The following ZBTB7C variants were observed in gnomAD, a reference collection of about 807,000 sequenced individuals.
ZBTB7C encodes zinc finger and BTB domain containing 7C, also known as zinc finger and BTB domain-containing protein 7C.
In ZBTB7C, 8 loss-of-function variants were observed where a neutral mutation model predicts 25.7. The ratio of observed to expected loss-of-function variants is 0.31; its 90% CI spans 0.18 to 0.56. The LOEUF (loss-of-function observed/expected upper bound fraction) is 0.56. Among genes scored for constraint, ZBTB7C ranks in the 20% least tolerant of loss-of-function variants. The pLI is 0.91. For synonymous variants in ZBTB7C, 394 were observed against 369.0 expected (o/e 1.07, Z -0.78); for missense variants, 824 against 855.2 (o/e 0.96, Z 0.46).
At chr18:48,295,321 C>T (rs1341870306) in intron 2 of ZBTB7C, among the ~76,000 whole-genome samples, 1 of 152,182 alleles carries the variant, frequency 6.6e-6, no homozygotes, top group Non-Finnish European at 1.5e-5. Context: ...ATCTCTAACA[C>T]CATTCCGTGG....
intron 1 of ZBTB7C, among the ~76,000 whole-genome samples, chr18:48,379,035 G>T (rs189958599): frequency 3.0e-4 from 45 of 152,240 alleles, no homozygotes; most frequent in Non-Finnish European, 3.7e-4. Context: ...CTTATGAGGG[G>T]TTTATTAGGA....
chr18:48,200,920 G>T (rs543842725), intron 2 of ZBTB7C, among the ~76,000 whole-genome samples: 1 of 152,328 alleles, frequency 6.6e-6, no homozygotes, highest in South Asian at 2.1e-4. Context: ...AAGCTGAGGT[G>T]TGTGGCTCAC....
intron 2 of ZBTB7C, among the ~76,000 whole-genome samples, chr18:48,253,205 AAAAAAGAG>A (rs546395713): frequency 3.3e-4 from 49 of 150,080 alleles, no homozygotes; most frequent in African/African-American, 1.1e-3. Flanking sequence ...TAGGGGTTGA[AAAAAAGAG>A]AAAAAGAGAA....
chr18:48,347,061 G>A (rs1045096756), intron 1 of ZBTB7C, among the ~76,000 whole-genome samples: 1 of 151,078 alleles, frequency 6.6e-6, no homozygotes, highest in African/African-American at 2.4e-5. Flanking sequence ...GGGATTACAG[G>A]CATGAGCCAC....
At chr18:48,056,680 T>C (rs2036925714) in intron 3 of ZBTB7C, among the ~76,000 whole-genome samples, 1 of 152,234 alleles carries the variant, frequency 6.6e-6, no homozygotes, top group East Asian at 1.9e-4. Context: ...TAGGCAACCA[T>C]GTAGGAGACA....
chr18:48,355,584 C>T (rs986681228), intron 1 of ZBTB7C, among the ~76,000 whole-genome samples: 10 of 152,210 alleles, frequency 6.6e-5, no homozygotes, highest in African/African-American at 2.2e-4. Flanking sequence ...AGCCTGCACA[C>T]TAGCCCAGGC....
At chr18:48,342,906 T>C (rs537793410) in intron 1 of ZBTB7C, among the ~76,000 whole-genome samples, 2 of 152,162 alleles carry the variant, frequency 1.3e-5, no homozygotes, top group South Asian at 4.2e-4. Context: ...AGTTCATTGT[T>C]TTTTACTGGA....
At chr18:48,277,865 C>G (rs548190836) in intron 2 of ZBTB7C, among the ~76,000 whole-genome samples, 1 of 151,802 alleles carries the variant, frequency 6.6e-6, no homozygotes, top group South Asian at 2.1e-4. Flanking sequence ...GACCCCCTTC[C>G]TTTGCGCCAG....
chr18:48,202,607 C>CT, intron 2 of ZBTB7C, among the ~76,000 whole-genome samples: 1 of 152,050 alleles, frequency 6.6e-6, no homozygotes, highest in South Asian at 2.1e-4. Context: ...CCTTAGTACC[C>CT]CACTGTGCTC....
chr18:48,314,262 G>A (rs1040222449), intron 2 of ZBTB7C, among the ~76,000 whole-genome samples: 7 of 152,278 alleles, frequency 4.6e-5, no homozygotes, highest in African/African-American at 1.7e-4. Flanking sequence ...CAATATGCGG[G>A]ATTACTGATA....
chr18:48,310,430 T>TTA (rs570694077), intron 2 of ZBTB7C, among the ~76,000 whole-genome samples: 1 of 144,916 alleles, frequency 6.9e-6, no homozygotes, highest in African/African-American at 2.5e-5. Flanking sequence ...GATTCAGGTT[T>TTA]AAAAAAAAAA....
intron 2 of ZBTB7C, among the ~76,000 whole-genome samples, chr18:48,337,834 C>T (rs772324931): frequency 1.3e-5 from 2 of 152,188 alleles, no homozygotes. Flanking sequence ...CATGAACTCC[C>T]TGTTTCCCAC....
chr18:48,112,736 C>A (rs1381890362), intron 3 of ZBTB7C, among the ~76,000 whole-genome samples: 1 of 152,108 alleles, frequency 6.6e-6, no homozygotes, highest in African/African-American at 2.4e-5. Context: ...AGTATATGTG[C>A]GGTAAATCCA....
intron 2 of ZBTB7C, among the ~76,000 whole-genome samples, chr18:48,312,626 T>C (rs1355367679): frequency 6.6e-6 from 1 of 152,126 alleles, no homozygotes; most frequent in Non-Finnish European, 1.5e-5. Context: ...AGAACAGAGA[T>C]AATAATAGTA....
In ZBTB7C at chr18:48,028,352, T is replaced by A. The variant is rs550165380; in HGVS notation, c.*908A>T. On this transcript the variant is annotated 3_prime_UTR_variant, in exon 5 of 5. Transcript: ENST00000590800. Reference sequence around the variant, plus strand: ...GGGAAGGTAGGGTAGCATTCTGAGTTCGCAGAGCTACCTGTGGGCTTTGCT... The same window carrying A: ...GGGAAGGTAGGGTAGCATTCTGAGTACGCAGAGCTACCTGTGGGCTTTGCT... 1.3e-4 allele frequency: 20 copies of A among 152,316 alleles called. No homozygotes were observed. Among genetic ancestry groups the A allele is most frequent in the African/African-American group, 4.8e-4 (20 of 41,562 alleles). 9.4% of individuals were successfully genotyped at this position (152,316 alleles called of 1,614,324 possible). A position where few individuals can be genotyped will look rare whatever the true frequency, so the allele number is the denominator to read the frequency against.
intron 1 of ZBTB7C, among the ~76,000 whole-genome samples, chr18:48,405,739 C>T (rs1442670754): frequency 1.3e-5 from 2 of 150,370 alleles, no homozygotes; most frequent in African/African-American, 4.9e-5. Context: ...CCGGGGTTCA[C>T]TCCGGTACCC....
At chr18:48,144,183 G>A (rs971145702) in intron 3 of ZBTB7C, among the ~76,000 whole-genome samples, 1 of 152,032 alleles carries the variant, frequency 6.6e-6, no homozygotes, top group Non-Finnish European at 1.5e-5. Flanking sequence ...GGAGGCTGAG[G>A]CAGAAGAATC....
chr18:48,075,170 T>C (rs1380939009), intron 3 of ZBTB7C, among the ~76,000 whole-genome samples: 2 of 152,166 alleles, frequency 1.3e-5, no homozygotes, highest in Non-Finnish European at 2.9e-5. Flanking sequence ...GGCATTAGCA[T>C]GAAGAGGACG....
At chr18:48,389,236 C>CGTGTGTGTGTGTGTGTGTGT (rs71165323) in intron 1 of ZBTB7C, among the ~76,000 whole-genome samples, 1 of 62,368 alleles carries the variant, frequency 1.6e-5, no homozygotes, top group African/African-American at 7.0e-5. Context: ...CTCTCTCTCT[C>CGTGTGTGTGTGTGTGTGTGT]GTGTGTGTGT....
Sources: gnomAD v4.1 joint callset for allele counts (sites outside exome capture counted in the v4.1 genomes callset) on GRCh38, gnomAD v4.1.1 for gene constraint, MANE v1.5 for transcripts, NCBI Gene and HGNC (gene_info 2026-07-23, HGNC 2026-07-21) for gene names.